Variants in PKNOX1 observed in about 807,000 individuals in gnomAD.
The protein encoded by PKNOX1 is homeobox protein PKNOX1.
In PKNOX1, 15 loss-of-function variants were observed where a neutral mutation model predicts 51.9. The ratio of observed to expected loss-of-function variants is 0.29; its 90% CI spans 0.19 to 0.45. The LOEUF is 0.45. Ranked by LOEUF, PKNOX1 falls within the 20% of genes least tolerant of loss-of-function variation. The probability of loss-of-function intolerance (pLI) is 1.00; values close to 1 mark genes in which losing one functional copy is unlikely to be tolerated. For synonymous variants in PKNOX1, 219 were observed against 211.1 expected (o/e 1.04, Z -0.32); for missense variants, 462 against 547.5 (o/e 0.84, Z 1.56).
Position 43,021,194 on chromosome 21 carries a change from C to A in PKNOX1, c.721-109C>A. Reference sequence around the variant, plus strand: ...GGTTCCCGTGCATGGGCCTCGACTACAATCATTTCCCTGTCCGATCCTTGG... The same window carrying A: ...GGTTCCCGTGCATGGGCCTCGACTAAAATCATTTCCCTGTCCGATCCTTGG... On this transcript the variant is annotated intron_variant, in intron 7 of 10. Transcript: ENST00000291547. This position sits in a 1 kb window ranked among gnomAD's most constrained non-coding sequence, Gnocchi z 4.6. The A allele has an allele frequency of 2.2e-6, 2 of 889,784 alleles. No homozygotes were observed. The highest frequency in any genetic ancestry group is 2.8e-5 in the East Asian group (1 of 36,176). The allele number at this position is 889,784 out of a possible 1,614,324, so 55.1% of individuals were successfully genotyped here.
intron 1 of PKNOX1, among the ~76,000 whole-genome samples, chr21:42,978,028 C>CT (rs35612496): frequency 6.6e-6 from 1 of 152,082 alleles, no homozygotes; most frequent in East Asian, 1.9e-4. Flanking sequence ...CTCCCTCCCT[C>CT]TTTTTTTGAG....
At chr21:43,013,320 G>A (rs1201278544) in intron 5 of PKNOX1, 82 bp downstream of exon 5, 6 of 1,027,482 alleles carry the variant, frequency 5.8e-6, no homozygotes, top group Non-Finnish European at 8.4e-6. Context: ...AGCTCTTTCA[G>A]AATTCACTGG....
chr21:42,974,940 G>A (rs2058984404), intron 1 of PKNOX1, among the ~76,000 whole-genome samples: 1 of 145,332 alleles, frequency 6.9e-6, no homozygotes, highest in African/African-American at 2.5e-5. Flanking sequence ...CTTAGTGTGG[G>A]TTGAGGGACG....
chr21:42,983,202 A>G (rs2059035689), intron 1 of PKNOX1, among the ~76,000 whole-genome samples: 1 of 152,086 alleles, frequency 6.6e-6, no homozygotes, highest in South Asian at 2.1e-4. Flanking sequence ...TGGTAAGTTC[A>G]TTCATACTTT....
At chr21:43,022,261 A>G (rs1979794609) in intron 8 of PKNOX1, among the ~76,000 whole-genome samples, 2 of 151,812 alleles carry the variant, frequency 1.3e-5, no homozygotes, top group Non-Finnish European at 2.9e-5. Context: ...CTGCCCTCCC[A>G]CTGTCTCCTC....
rs899627471 is a variant in PKNOX1 at position 43,031,023 on chromosome 21, C to G, written c.*922C>G. On this transcript the variant is annotated 3_prime_UTR_variant, in exon 11 of 11. Transcript: ENST00000291547. ...GAAAGATATCTGCTAAACAGGACTT[C>G]AGGTAAGTGAGGTGAAATGGTAGCC... The G allele has an allele frequency of 2.6e-5, 4 of 152,564 alleles. No individual in the cohort carries two copies. The highest frequency in any genetic ancestry group is 4.4e-5 in the Non-Finnish European group (3 of 68,044). The allele number at this position is 152,564 out of a possible 1,614,324, so 9.5% of individuals were successfully genotyped here.
At chr21:43,003,833 A>G (rs1978869097) in intron 1 of PKNOX1, 1 of 153,084 alleles carries the variant, frequency 6.5e-6, no homozygotes. Context: ...AGCACAGGAA[A>G]ATAAGTGATT....
chr21:42,991,263 G>T (rs1276159899), intron 1 of PKNOX1, among the ~76,000 whole-genome samples: 1 of 151,426 alleles, frequency 6.6e-6, no homozygotes, highest in South Asian at 2.1e-4. Context: ...AAGGTGGGAG[G>T]ATCGCTTGAA....
intron 3 of PKNOX1, among the ~76,000 whole-genome samples, chr21:43,008,532 C>T (rs1979101896): frequency 2.0e-5 from 3 of 152,196 alleles, no homozygotes; most frequent in Non-Finnish European, 2.9e-5. Flanking sequence ...AATCCCAGAA[C>T]TTTGGAAGGC....
chr21:42,981,410 C>T (rs1044796777), intron 1 of PKNOX1, among the ~76,000 whole-genome samples: 2 of 152,232 alleles, frequency 1.3e-5, no homozygotes, highest in African/African-American at 2.4e-5. Context: ...GGAAGATTCA[C>T]ATAGAAGGCA....
intron 1 of PKNOX1, among the ~76,000 whole-genome samples, chr21:42,983,505 G>A (rs756676226): frequency 3.7e-4 from 57 of 152,060 alleles, no homozygotes; most frequent in Non-Finnish European, 1.0e-4. Flanking sequence ...TCCATTGTGT[G>A]GATATACTGA....
chr21:43,018,069 A>AAAAAAAC (rs1690059454), intron 6 of PKNOX1, 64 bp from the exon 7 acceptor site: 1 of 831,192 alleles, frequency 1.2e-6, no homozygotes, highest in African/African-American at 1.8e-5. Context: ...AAAAAAAAAA[A>AAAAAAAC]AGAAGAATGG....
chr21:42,978,482 TTTTC>T (rs1054312896), intron 1 of PKNOX1, among the ~76,000 whole-genome samples: 8 of 149,628 alleles, frequency 5.3e-5, no homozygotes, highest in African/African-American at 2.0e-4. Flanking sequence ...TTTTCTTTTC[TTTTC>T]TTTTTTTTTT....
intron 1 of PKNOX1, among the ~76,000 whole-genome samples, chr21:42,975,047 C>CGGGGCGGGGGCGGGGGCGCGCG (rs532954182): frequency 7.1e-6 from 1 of 141,064 alleles, no homozygotes; most frequent in Non-Finnish European, 1.6e-5. Context: ...CGCCCCGGCG[C>CGGGGCGGGGGCGGGGGCGCGCG]GGGGCGGGGG....
chr21:43,029,057 AAG>A (rs779897312), intron 10 of PKNOX1, 183 bp downstream of exon 10: 118 of 632,972 alleles, frequency 1.9e-4, no homozygotes, highest in Middle Eastern at 4.2e-4. Context: ...AGCTCTCAGT[AAG>A]AGTTAGGAGC....
rs1980197293 is a variant in PKNOX1 at position 43,030,249 on chromosome 21, G to A, written c.*148G>A. The A allele has an allele frequency of 9.7e-6, 6 of 618,712 alleles. No homozygotes were observed. The highest frequency in any genetic ancestry group is 1.9e-5 in the African/African-American group (1 of 52,758). 38.3% of individuals were successfully genotyped at this position (618,712 alleles called of 1,614,324 possible). On this transcript the variant is annotated 3_prime_UTR_variant, in exon 11 of 11. Coordinates refer to ENST00000291547, the MANE Select transcript of PKNOX1 (RefSeq NM_004571.5). ...TAAAGCGCGTCTTTGCCGGTGCAGC[G>A]ACTTCTTTCAAGTGTGTGTGTGTGT...
intron 1 of PKNOX1, among the ~76,000 whole-genome samples, chr21:42,980,833 G>T (rs1180978543): frequency 1.3e-5 from 2 of 152,178 alleles, no homozygotes; most frequent in Non-Finnish European, 2.9e-5. Flanking sequence ...AGGGCTTATT[G>T]TCTGCCTTTG....
chr21:42,990,152 C>T, intron 1 of PKNOX1, among the ~76,000 whole-genome samples: 1 of 151,852 alleles, frequency 6.6e-6, no homozygotes, highest in East Asian at 1.9e-4. Context: ...ATCCCAGCTA[C>T]TCGGGTGGCT....
rs747220946 is a variant in PKNOX1, at chr21:43,013,142, C to T, written c.426C>T (p.Phe142=). The change falls in exon 5 of 11, where the codon TTC becomes TTT. Residue 142 remains phenylalanine, a synonymous_variant. Transcript: ENST00000291547. ...LEKVNELCKD[F]CSRYIACLKT... is the part of the protein sequence containing the mutation. ...AGGTTAACGAACTCTGCAAAGATTTCTGCAGTCGATACATTGCTTGTCTGA... is the reference window on the plus strand; with the variant it reads ...AGGTTAACGAACTCTGCAAAGATTTTTGCAGTCGATACATTGCTTGTCTGA... 2 of 1,613,752 alleles carry T rather than the reference C, an allele frequency of 1.2e-6. No individual in the cohort carries two copies. Among genetic ancestry groups the T allele is most frequent in the South Asian group, 2.2e-5 (2 of 91,030 alleles).
Sources: gnomAD v4.1 joint callset for allele counts (sites outside exome capture counted in the v4.1 genomes callset) on GRCh38, gnomAD v4.1.1 for gene constraint, Gnocchi (gnomAD v3.1) non-coding constraint, MANE v1.5 for transcripts, NCBI Gene and HGNC (gene_info 2026-07-23, HGNC 2026-07-21) for gene names.